The following MTUS2 variants were observed in gnomAD, a reference collection of about 807,000 sequenced individuals.
The protein encoded by MTUS2 is microtubule associated scaffold protein 2, also known as microtubule-associated tumor suppressor candidate 2.
MTUS2 carries 40 observed loss-of-function variants against 114.1 expected under a neutral mutation model. The observed-to-expected ratio is 0.35, with a 90% confidence interval of 0.27 to 0.46. MTUS2 has a LOEUF of 0.46. Ranked by LOEUF, MTUS2 falls within the 20% of genes least tolerant of loss-of-function variation. The pLI is 1.00. For synonymous variants in MTUS2, 688 were observed against 672.0 expected (o/e 1.02, Z -0.37); for missense variants, 1,679 against 1,705.4 (o/e 0.98, Z 0.27).
At chr13:29,481,587 G>T (rs1050406128) in intron 10 of MTUS2, among the ~76,000 whole-genome samples, 2 of 152,116 alleles carry the variant, frequency 1.3e-5, no homozygotes, top group African/African-American at 4.8e-5. Context: ...AAACCCTTGG[G>T]CTACCCTCCT....
chr13:29,284,933 T>G (rs1898415049), intron 6 of MTUS2, among the ~76,000 whole-genome samples: 2 of 152,078 alleles, frequency 1.3e-5, no homozygotes, highest in Admixed American at 1.3e-4. Context: ...TAGAGGGAGA[T>G]AGGGATCCTT....
At chr13:28,862,312 G>T (rs1877037326) in intron 2 of MTUS2, among the ~76,000 whole-genome samples, 1 of 152,174 alleles carries the variant, frequency 6.6e-6, no homozygotes, top group Non-Finnish European at 1.5e-5. Flanking sequence ...AAAGCCAGAA[G>T]AAAACAGAAT....
Position 29,504,688 on chromosome 13 carries a change from AAGT to A in MTUS2, c.*1486_*1488del, listed in dbSNP as rs1883118022. On this transcript the variant is annotated 3_prime_UTR_variant, in exon 16 of 16. Transcript: ENST00000612955. Reference sequence around the variant, plus strand: ...TAGGAGCATGATACACAAAAGGAAGAAGTAGTTTTAACAGATATGGTGATGATG... The same window carrying A: ...TAGGAGCATGATACACAAAAGGAAGAAGTTTTAACAGATATGGTGATGATG... The A allele has an allele frequency of 4.3e-6, 1 of 233,268 alleles. No individual in the cohort carries two copies. Among genetic ancestry groups the A allele is most frequent in the East Asian group, 6.0e-5 (1 of 16,576 alleles). The allele number at this position is 233,268 out of a possible 1,614,324, so 14.4% of individuals were successfully genotyped here.
chr13:29,319,754 G>A (rs1406205261), intron 6 of MTUS2, among the ~76,000 whole-genome samples: 3 of 152,154 alleles, frequency 2.0e-5, no homozygotes, highest in African/African-American at 4.8e-5. Context: ...GGCCTAGTAC[G>A]AGATGCCCGC....
chr13:28,830,233 T>C (rs1268217783), intron 1 of MTUS2, among the ~76,000 whole-genome samples: 1 of 152,088 alleles, frequency 6.6e-6, no homozygotes, highest in Non-Finnish European at 1.5e-5. Context: ...TTAAATCCAG[T>C]TTTCAACATA....
At chr13:29,237,556 G>A (rs1370169577) in intron 5 of MTUS2, among the ~76,000 whole-genome samples, 1 of 152,102 alleles carries the variant, frequency 6.6e-6, no homozygotes, top group South Asian at 2.1e-4. Context: ...TCTGTTATCT[G>A]GACCCAGTGC....
chr13:29,198,739 T>C (rs1894809683), intron 5 of MTUS2, among the ~76,000 whole-genome samples: 1 of 152,210 alleles, frequency 6.6e-6, no homozygotes. Context: ...TCCTCTCATT[T>C]CATTGAGCAG....
chr13:29,404,191 A>AAT (rs1874575273), intron 8 of MTUS2, among the ~76,000 whole-genome samples: 1 of 150,822 alleles, frequency 6.6e-6, no homozygotes, highest in African/African-American at 2.4e-5. Context: ...AAAAAAAAAA[A>AAT]AGTACAAAAA....
At chr13:29,150,500 A>G (rs1360786420) in intron 5 of MTUS2, among the ~76,000 whole-genome samples, 3 of 152,086 alleles carry the variant, frequency 2.0e-5, no homozygotes, top group Admixed American at 6.6e-5. Context: ...TTCTGTTCAC[A>G]CTGTTGATAG....
intron 5 of MTUS2, among the ~76,000 whole-genome samples, chr13:29,171,141 A>AGTGTGTGT (rs34538842): frequency 6.7e-6 from 1 of 150,298 alleles, no homozygotes; most frequent in African/African-American, 2.4e-5. Flanking sequence ...AGAGAGAGAG[A>AGTGTGTGT]GTGTGTGTGT....
At chr13:29,275,659 A>G (rs780149613) in intron 5 of MTUS2, among the ~76,000 whole-genome samples, 12 of 152,202 alleles carry the variant, frequency 7.9e-5, no homozygotes, top group Non-Finnish European at 1.6e-4. Flanking sequence ...ACTTAATATA[A>G]TGACCTCCAG....
intron 5 of MTUS2, among the ~76,000 whole-genome samples, chr13:29,108,194 G>T (rs1056896493): frequency 6.6e-6 from 1 of 152,194 alleles, no homozygotes; most frequent in African/African-American, 2.4e-5. Flanking sequence ...GGCAATGAGA[G>T]AGTCATTTTT....
At chr13:29,302,979 C>T (rs1020716789) in intron 6 of MTUS2, among the ~76,000 whole-genome samples, 14 of 152,202 alleles carry the variant, frequency 9.2e-5, no homozygotes, top group Middle Eastern at 3.2e-3. Context: ...GTTTTGTGCT[C>T]TTCACTGGTG....
In MTUS2 at chr13:28,820,627, G is replaced by C. The variant is rs1873823713; in HGVS notation, c.-316+16G>C. ...TTTGACCCAGGTGAGCGAATCCTCT[G>C]CTGCGCGGTCCGGTGGGGTCGGCTG... On this transcript the variant is annotated intron_variant, in intron 1 of 15. Transcript: ENST00000612955. 6.6e-6 allele frequency: 1 copy of C among 152,240 alleles called. No individual in the cohort carries two copies. The highest frequency in any genetic ancestry group is 1.5e-5 in the Non-Finnish European group (1 of 68,132). 9.4% of individuals were successfully genotyped at this position (152,240 alleles called of 1,614,324 possible). A position where few individuals can be genotyped will look rare whatever the true frequency, so the allele number is the denominator to read the frequency against.
chr13:29,172,357 C>T lies in MTUS2; in HGVS notation c.2644+71387C>T, dbSNP rs11617962. On this transcript the variant is annotated intron_variant, in intron 5 of 15. Transcript: ENST00000612955. ...CAAGACTAAAGTGATTCATGATTTT[C>T]GTTATTTGGGGTTTAGGTACATCAA... is the stretch of plus-strand genomic sequence containing the variant. Among the ~76,000 whole-genome samples the T allele has an allele frequency of 2.7e-3, 410 of 152,144 alleles. 1 individual carries two copies. The highest frequency in any genetic ancestry group is 9.1e-3 in the African/African-American group (379 of 41,508).
intron 2 of MTUS2, among the ~76,000 whole-genome samples, chr13:28,888,742 G>T (rs928091391): frequency 9.9e-5 from 15 of 152,126 alleles, no homozygotes; most frequent in Non-Finnish European, 2.2e-4. Context: ...TCTTAATCAA[G>T]GGATGCTGTT....
At chr13:29,169,814 A>C in intron 5 of MTUS2, among the ~76,000 whole-genome samples, 1 of 152,162 alleles carries the variant, frequency 6.6e-6, no homozygotes, top group Non-Finnish European at 1.5e-5. Flanking sequence ...AGCCACACCT[A>C]CAGGAGGTAA....
intron 5 of MTUS2, among the ~76,000 whole-genome samples, chr13:29,238,266 G>A (rs1312415073): frequency 6.6e-6 from 1 of 152,198 alleles, no homozygotes; most frequent in Non-Finnish European, 1.5e-5. Flanking sequence ...ACATGCATTA[G>A]GGTTCTCTAG....
At chr13:29,393,088 C>T (rs1326811964) in intron 8 of MTUS2, among the ~76,000 whole-genome samples, 1 of 152,196 alleles carries the variant, frequency 6.6e-6, no homozygotes, top group Non-Finnish European at 1.5e-5. Context: ...GGTAGCATCT[C>T]TCAGTACTGC....
Sources: gnomAD v4.1 joint callset for allele counts (sites outside exome capture counted in the v4.1 genomes callset) on GRCh38, gnomAD v4.1.1 for gene constraint, MANE v1.5 for transcripts, NCBI Gene and HGNC (gene_info 2026-07-23, HGNC 2026-07-21) for gene names.